Variants in LRRC7 observed in about 807,000 individuals in gnomAD.
LRRC7 encodes leucine-rich repeat-containing protein 7.
In LRRC7, 23 loss-of-function variants were observed where a neutral mutation model predicts 175.7. The observed-to-expected ratio is 0.13, with a 90% CI of 0.09 to 0.19. The LOEUF (loss-of-function observed/expected upper bound fraction) is 0.19, where lower values mean the gene tolerates loss of function less well. Ranked by LOEUF, LRRC7 falls within the 10% of genes least tolerant of loss-of-function variation. The pLI is 1.00. For missense variants in LRRC7, 1,354 were observed against 1,904.7 expected (o/e 0.71, Z 5.38); for synonymous variants, 685 against 680.9 (o/e 1.01, Z -0.09).
At chr1:70,039,884 A>G in intron 21 of LRRC7, 91 bp downstream of exon 21, 2 of 1,412,588 alleles carry the variant, frequency 1.4e-6, no homozygotes, top group Non-Finnish European at 1.9e-6. Flanking sequence ...AGCATGAACT[A>G]CATGAATGAA....
In LRRC7 at chr1:69,707,518, T is replaced by C. The variant is rs1664193196; in HGVS notation, c.100+29040T>C. Among the ~76,000 whole-genome samples the C allele has an allele frequency of 2.0e-5, 3 of 152,146 alleles. No homozygotes were observed. In the South Asian group the frequency reaches 6.2e-4, roughly 32 times the overall value. ...ACTCTTTTATTGGTGTTTCCTGGTA[T>C]TCCCTCCCAAAAAAATTATTTATTC... On this transcript the variant is annotated intron_variant, in intron 2 of 26. Transcript: ENST00000651989.
At chr1:70,006,104 C>T (rs1306705522) in intron 11 of LRRC7, among the ~76,000 whole-genome samples, 1 of 151,814 alleles carries the variant, frequency 6.6e-6, no homozygotes, top group Non-Finnish European at 1.5e-5. Flanking sequence ...TAGCCACCAA[C>T]AAGGTCAGCT....
chr1:69,825,166 G>A (rs1679761802), intron 4 of LRRC7, among the ~76,000 whole-genome samples: 1 of 152,114 alleles, frequency 6.6e-6, no homozygotes, highest in African/African-American at 2.4e-5. Flanking sequence ...AAAACTGCTT[G>A]TCTCTTCACA....
At chr1:69,857,111 T>A (rs1254833667) in intron 7 of LRRC7, among the ~76,000 whole-genome samples, 1 of 152,126 alleles carries the variant, frequency 6.6e-6, no homozygotes, top group East Asian at 1.9e-4. Context: ...ATGGGATATA[T>A]CTCAAAATAA....
chr1:70,142,761 C>T lies in LRRC7; in HGVS notation c.*20874C>T, dbSNP rs1252462512. On this transcript the variant is annotated 3_prime_UTR_variant, in exon 27 of 27. Coordinates refer to ENST00000651989, the MANE Select transcript of LRRC7 (RefSeq NM_001370785.2). Reference sequence around the variant, plus strand: ...CCCCAACCAGCTATATATAAGAAAACCATAACATGAACTAGGGTCTTTCTA... The same window carrying T: ...CCCCAACCAGCTATATATAAGAAAATCATAACATGAACTAGGGTCTTTCTA... 1 of 151,902 alleles carries T rather than the reference C, an allele frequency of 6.6e-6. No homozygotes were observed. The highest frequency in any genetic ancestry group is 1.5e-5 in the Non-Finnish European group (1 of 67,908). The allele number at this position is 151,902 out of a possible 1,614,324, so 9.4% of individuals were successfully genotyped here.
chr1:69,773,986 C>A (rs1273238433), intron 3 of LRRC7, among the ~76,000 whole-genome samples: 1 of 152,084 alleles, frequency 6.6e-6, no homozygotes, highest in Non-Finnish European at 1.5e-5. Flanking sequence ...ACCTCTACAG[C>A]CTGAGAGACA....
chr1:70,091,584 G>C (rs1023112433), intron 25 of LRRC7, among the ~76,000 whole-genome samples: 3 of 152,128 alleles, frequency 2.0e-5, no homozygotes, highest in African/African-American at 7.2e-5. Context: ...TCAGAATACT[G>C]TTGCATTTCT....
chr1:69,795,332 G>A (rs1675603984), intron 4 of LRRC7, among the ~76,000 whole-genome samples: 1 of 149,396 alleles, frequency 6.7e-6, no homozygotes, highest in African/African-American at 2.5e-5. Flanking sequence ...GTGAGATCAC[G>A]CCACTGCACT....
intron 1 of LRRC7, among the ~76,000 whole-genome samples, chr1:69,651,873 A>G (rs979119129): frequency 6.6e-6 from 1 of 152,092 alleles, no homozygotes; most frequent in Non-Finnish European, 1.5e-5. Context: ...CACTGACAGA[A>G]CTGGCAGAGT....
chr1:70,126,672 T>A lies in LRRC7; in HGVS notation c.*4785T>A, dbSNP rs1666468036. 1.3e-5 allele frequency among the ~76,000 whole-genome samples: 2 copies of A among 152,194 alleles called. No homozygotes were observed. The highest frequency in any genetic ancestry group is 1.3e-4 in the Admixed American group (2 of 15,282). On this transcript the variant is annotated 3_prime_UTR_variant, in exon 27 of 27. Coordinates refer to ENST00000651989, the MANE Select transcript of LRRC7 (RefSeq NM_001370785.2). Reference sequence around the variant, plus strand: ...AGAATGTGGGCTGTGGACAAATAGATGTGCGCTATGTATAGAAAGCATGTG... The same window carrying A: ...AGAATGTGGGCTGTGGACAAATAGAAGTGCGCTATGTATAGAAAGCATGTG...
intron 2 of LRRC7, among the ~76,000 whole-genome samples, chr1:69,694,380 C>T (rs2100669807): frequency 6.6e-6 from 1 of 152,318 alleles, no homozygotes; most frequent in Admixed American, 6.5e-5. Context: ...ATTGCTCTCA[C>T]TCTGGACTTG....
At chr1:69,577,442 C>G (rs1002177951) in intron 1 of LRRC7, among the ~76,000 whole-genome samples, 1 of 152,066 alleles carries the variant, frequency 6.6e-6, no homozygotes, top group Admixed American at 6.6e-5. Flanking sequence ...TTTTAGACAG[C>G]AAGTCCTTGC....
At chr1:69,765,171 C>T (rs1329421534) in intron 3 of LRRC7, among the ~76,000 whole-genome samples, 1 of 152,054 alleles carries the variant, frequency 6.6e-6, no homozygotes, top group East Asian at 1.9e-4. Context: ...AGAAGCAACC[C>T]TGGAGATTAT....
intron 23 of LRRC7, among the ~76,000 whole-genome samples, chr1:70,063,464 T>C (rs766925545): frequency 1.2e-4 from 19 of 152,104 alleles, no homozygotes; most frequent in Non-Finnish European, 2.2e-4. Flanking sequence ...TGGAGAAGAT[T>C]GTTCTCATTT....
chr1:69,884,496 C>A, intron 7 of LRRC7, among the ~76,000 whole-genome samples: 1 of 133,766 alleles, frequency 7.5e-6, no homozygotes, highest in South Asian at 2.4e-4. Context: ...AGTTGCTTAT[C>A]ACCTTAAGGC....
intron 2 of LRRC7, among the ~76,000 whole-genome samples, chr1:69,725,925 G>A (rs1480815185): frequency 6.6e-6 from 1 of 152,176 alleles, no homozygotes; most frequent in African/African-American, 2.4e-5. Context: ...TAAATAATCT[G>A]TGCTGAACAA....
chr1:70,106,891 C>A (rs1240033569), intron 25 of LRRC7, among the ~76,000 whole-genome samples: 1 of 152,236 alleles, frequency 6.6e-6, no homozygotes, highest in African/African-American at 2.4e-5. Context: ...AAGAACCTAA[C>A]ACACAAATAT....
At chr1:69,922,297 G>T (rs372511926) in intron 7 of LRRC7, among the ~76,000 whole-genome samples, 1 of 148,250 alleles carries the variant, frequency 6.7e-6, no homozygotes, top group East Asian at 2.0e-4. Flanking sequence ...CTACCTCTTT[G>T]ACATTTTCTC....
intron 7 of LRRC7, among the ~76,000 whole-genome samples, chr1:69,872,541 T>C (rs1012513338): frequency 2.6e-5 from 4 of 152,094 alleles, no homozygotes; most frequent in African/African-American, 4.8e-5. Context: ...CATACTTTAT[T>C]AATTTGAGCT....
Sources: gnomAD v4.1 joint callset for allele counts (sites outside exome capture counted in the v4.1 genomes callset) on GRCh38, gnomAD v4.1.1 for gene constraint, MANE v1.5 for transcripts, NCBI Gene and HGNC (gene_info 2026-07-23, HGNC 2026-07-21) for gene names.